TMEM178B: variants seen among roughly 807,000 people sequenced by gnomAD.
The protein encoded by TMEM178B is transmembrane protein 178B.
TMEM178B carries 5 observed loss-of-function variants against 31.0 expected under a neutral mutation model. The ratio of observed to expected loss-of-function variants is 0.16; its 90% CI spans 0.08 to 0.34. TMEM178B has a LOEUF of 0.34. Ranked by LOEUF, TMEM178B falls within the 10% of genes least tolerant of loss-of-function variation. TMEM178B has a pLI of 1.00. For missense variants in TMEM178B, 275 were observed against 400.3 expected (o/e 0.69, Z 2.67); for synonymous variants, 164 against 164.0 (o/e 1.00, Z 0.00).
intron 2 of TMEM178B, among the ~76,000 whole-genome samples, chr7:141,364,769 A>G (rs189452680): frequency 1.6e-4 from 24 of 152,258 alleles, no homozygotes; most frequent in Non-Finnish European, 2.9e-4. Context: ...GGATGTCAGA[A>G]AAGCAGCCCT....
intron 1 of TMEM178B, among the ~76,000 whole-genome samples, chr7:141,190,714 AAAGT>A (rs1796683750): frequency 6.6e-6 from 1 of 152,218 alleles, no homozygotes; most frequent in Admixed American, 6.5e-5. Context: ...ACACCATGGT[AAAGT>A]TGAACAATCT....
intron 2 of TMEM178B, among the ~76,000 whole-genome samples, chr7:141,336,753 C>T (rs1799396433): frequency 6.6e-6 from 1 of 151,370 alleles, no homozygotes; most frequent in Non-Finnish European, 1.5e-5. Flanking sequence ...CCCACCATTA[C>T]CACCACCAAC....
At chr7:141,298,197 TG>T (rs1798667595) in intron 2 of TMEM178B, among the ~76,000 whole-genome samples, 1 of 152,202 alleles carries the variant, frequency 6.6e-6, no homozygotes, top group African/African-American at 2.4e-5. Context: ...CACTTTTTGA[TG>T]GGGTTGTTTG....
chr7:141,265,906 T>G (rs916378593), intron 2 of TMEM178B, among the ~76,000 whole-genome samples: 1 of 152,034 alleles, frequency 6.6e-6, no homozygotes, highest in Non-Finnish European at 1.5e-5. Flanking sequence ...AAGGTCTGGG[T>G]TTCCCCAGCT....
chr7:141,145,190 C>T (rs1795832563), intron 1 of TMEM178B, among the ~76,000 whole-genome samples: 1 of 152,174 alleles, frequency 6.6e-6, no homozygotes, highest in African/African-American at 2.4e-5. Context: ...TGGCTCTGCT[C>T]CCTCAGGCCT....
chr7:141,500,238 A>C, the TMEM178B span, among the ~76,000 whole-genome samples: 3 of 152,168 alleles, frequency 2.0e-5, no homozygotes, highest in Non-Finnish European at 1.5e-5. Context: ...ATACGAGCCC[A>C]TTGTCAAGGT....
chr7:141,110,855 G>GA (rs1284086235), intron 1 of TMEM178B, among the ~76,000 whole-genome samples: 1 of 152,148 alleles, frequency 6.6e-6, no homozygotes, highest in African/African-American at 2.4e-5. Context: ...TGTAAGAAGA[G>GA]ACCCCTGAGA....
At chr7:141,129,019 G>T (rs1795552380) in intron 1 of TMEM178B, among the ~76,000 whole-genome samples, 1 of 152,230 alleles carries the variant, frequency 6.6e-6, no homozygotes, top group Non-Finnish European at 1.5e-5. Context: ...GGTTTCTCCT[G>T]TGGAAGTCAG....
At chr7:141,351,927 A>C (rs1054974051) in intron 2 of TMEM178B, 1 of 152,554 alleles carries the variant, frequency 6.6e-6, no homozygotes, top group Admixed American at 6.5e-5. Context: ...ACAGAGAGAC[A>C]GAGGCCAGGG....
intron 3 of TMEM178B, among the ~76,000 whole-genome samples, chr7:141,451,841 A>G (rs571048775): frequency 3.4e-4 from 51 of 152,174 alleles, no homozygotes; most frequent in African/African-American, 1.2e-3. Context: ...CTACCAACCC[A>G]CTTCATCTCT....
rs142917801 is a variant in TMEM178B, at chr7:141,326,353, A to G, written c.497-111255A>G. Among the ~76,000 whole-genome samples, 5 of 152,326 alleles carry G rather than the reference A, an allele frequency of 3.3e-5. No individual in the cohort carries two copies. In the East Asian group the frequency reaches 9.6e-4, roughly 29 times the overall value. ...TTCTGAGAATAATGCACAATGACAA[A>G]TGCTCCTTTGAAAACAGTAGTGATT... On this transcript the variant is annotated intron_variant, in intron 2 of 3. Transcript: ENST00000565468.
intron 2 of TMEM178B, among the ~76,000 whole-genome samples, chr7:141,303,638 C>A (rs1412410629): frequency 6.6e-6 from 1 of 152,154 alleles, no homozygotes; most frequent in Non-Finnish European, 1.5e-5. Flanking sequence ...ACACGTGCAA[C>A]CAGGTTTTGG....
rs1301612068 is a variant in TMEM178B at position 141,414,438 on chromosome 7, T to A, written c.497-23170T>A. ...AGCTCATAATGTGAGTATACCATAA[T>A]TTCTATAACCATATACCAATTGTTG... is the stretch of plus-strand genomic sequence containing the variant. On this transcript the variant is annotated intron_variant, in intron 2 of 3. Transcript: ENST00000565468. 6 of 152,668 alleles carry A rather than the reference T, an allele frequency of 3.9e-5. No individual in the cohort carries two copies. The South Asian group carries it at 6.2e-4, about 16-fold the overall frequency. 9.5% of individuals were successfully genotyped at this position (152,668 alleles called of 1,614,324 possible).
rs931918436 is a variant in TMEM178B at position 141,475,818 on chromosome 7, T to C, written c.*5032T>C. The C allele has an allele frequency of 6.6e-6, 1 of 151,914 alleles. No individual in the cohort carries two copies. The highest frequency in any genetic ancestry group is 1.5e-5 in the Non-Finnish European group (1 of 67,996). 9.4% of individuals were successfully genotyped at this position (151,914 alleles called of 1,614,324 possible). On this transcript the variant is annotated 3_prime_UTR_variant, in exon 4 of 4. Coordinates refer to ENST00000565468, the MANE Select transcript of TMEM178B (RefSeq NM_001195278.2). ...TTTTTTTGGTCAGTTGCCATCTCAA[T>C]CTAATCATAGATGTAAGAATGCGGA...
intron 2 of TMEM178B, among the ~76,000 whole-genome samples, chr7:141,255,941 C>T (rs143124316): frequency 4.7e-4 from 72 of 152,246 alleles, no homozygotes; most frequent in Non-Finnish European, 9.4e-4. Context: ...TTACATTTCC[C>T]ATACCTAGGC....
chr7:141,494,135 A>G, the TMEM178B span, among the ~76,000 whole-genome samples: 4 of 152,258 alleles, frequency 2.6e-5, no homozygotes, highest in East Asian at 5.8e-4. Flanking sequence ...CCTTAAAATG[A>G]AAGTAGCTTC....
At chr7:141,488,443 T>TC in the TMEM178B span, among the ~76,000 whole-genome samples, 3 of 152,126 alleles carry the variant, frequency 2.0e-5, no homozygotes, top group East Asian at 1.9e-4. Context: ...CTTTTTTTTT[T>TC]CTTTTTTTCT....
At chr7:141,224,549 A>G (rs1797309911) in intron 2 of TMEM178B, among the ~76,000 whole-genome samples, 1 of 152,188 alleles carries the variant, frequency 6.6e-6, no homozygotes, top group Non-Finnish European at 1.5e-5. Flanking sequence ...CCCCAATCCC[A>G]GAGCTACTTG....
chr7:141,104,337 T>C (rs1320424375), intron 1 of TMEM178B, among the ~76,000 whole-genome samples: 1 of 152,200 alleles, frequency 6.6e-6, no homozygotes, highest in Admixed American at 6.5e-5. Flanking sequence ...TGTGGAGCTC[T>C]AGAAAACATT....
Sources: gnomAD v4.1 joint callset for allele counts (sites outside exome capture counted in the v4.1 genomes callset) on GRCh38, gnomAD v4.1.1 for gene constraint, MANE v1.5 for transcripts, NCBI Gene and HGNC (gene_info 2026-07-23, HGNC 2026-07-21) for gene names.